CHD8: variants seen among roughly 807,000 people sequenced by gnomAD.
CHD8 encodes the protein ATP-dependent chromatin remodeler CHD8.
In CHD8, 31 loss-of-function variants were observed where a neutral mutation model predicts 279.2. That is an observed-to-expected ratio of 0.11 (90% CI 0.08 to 0.15). The LOEUF is 0.15. Ranked by LOEUF, CHD8 falls within the 10% of genes least tolerant of loss-of-function variation. The probability of loss-of-function intolerance (pLI) is 1.00; values close to 1 mark genes in which losing one functional copy is unlikely to be tolerated. For synonymous variants in CHD8, 1,081 were observed against 1,139.6 expected (o/e 0.95, Z 1.04); for missense variants, 2,146 against 3,230.5 (o/e 0.66, Z 8.14).
In CHD8 at chr14:21,393,240, A is replaced by G. The variant is rs1460454468; in HGVS notation, c.6334T>C (p.Ser2112Pro). The G allele has an allele frequency of 2.5e-6, 4 of 1,613,996 alleles. No homozygotes were observed. Among genetic ancestry groups the G allele is most frequent in the Non-Finnish European group, 3.4e-6 (4 of 1,179,888 alleles). The change falls in exon 33 of 38, where the codon TCA becomes CCA. Residue 2112 changes from serine to proline, a missense_variant. Physicochemically the swap from Ser to Pro is moderately conservative, Grantham distance 74. This residue lies in a region of CHD8 where 513 missense variants were observed against 637.6 expected (regional missense o/e 0.80). Coordinates refer to ENST00000646647, the MANE Select transcript of CHD8 (RefSeq NM_001170629.2). ...KEEKLTDQSRSKLYDEESLLS... is the reference protein window; with the variant it reads ...KEEKLTDQSRPKLYDEESLLS... ...AGACTCTCTTCATCATAGAGCTTTG[A>G]GCGGGACTGGTCAGCTGGTAAGAGA...
At chr14:21,453,042 C>G (rs1421512332) in intron 1 of CHD8, among the ~76,000 whole-genome samples, 1 of 151,284 alleles carries the variant, frequency 6.6e-6, no homozygotes, top group Non-Finnish European at 1.5e-5. Context: ...GGTGTGGTGG[C>G]CCACACCTGT....
At chr14:21,433,546 C>CATGCT (rs1013201931) in intron 1 of CHD8, among the ~76,000 whole-genome samples, 10 of 152,176 alleles carry the variant, frequency 6.6e-5, no homozygotes, top group African/African-American at 2.4e-4. Context: ...ATATAACCCC[C>CATGCT]ATGCTATGTT....
chr14:21,441,830 A>G (rs1352689435), intron 1 of CHD8, among the ~76,000 whole-genome samples: 1 of 152,196 alleles, frequency 6.6e-6, no homozygotes, highest in East Asian at 1.9e-4. Context: ...CGGAGCTTGC[A>G]GTGAGCCAAG....
chr14:21,415,134 T>C, intron 7 of CHD8, 141 bp from the exon 8 acceptor site: 1 of 634,828 alleles, frequency 1.6e-6, no homozygotes, highest in Non-Finnish European at 2.7e-6. Flanking sequence ...ACTAGTCTGG[T>C]ACTTCAATAA....
rs80311097 is a variant in CHD8 at position 21,402,588 on chromosome 14, C to A, written c.3715-85G>T. ...GGATACAAAATACCAATTTATGATT[C>A]TTTCACCTCTATAGAGCAGCCATGA... On this transcript the variant is annotated intron_variant, in intron 18 of 37. Coordinates refer to ENST00000646647, the MANE Select transcript of CHD8 (RefSeq NM_001170629.2). The surrounding 1 kb of genome is among the most constrained non-coding windows in gnomAD (Gnocchi z 4.5). 4,109 of 1,288,650 alleles carry A rather than the reference C, an allele frequency of 3.2e-3. 103 individuals are homozygous for A. In the African/African-American group the frequency reaches 0.056, roughly 18 times the overall value. The allele number at this position is 1,288,650 out of a possible 1,614,324, so 79.8% of individuals were successfully genotyped here.
intron 5 of CHD8, among the ~76,000 whole-genome samples, chr14:21,422,289 C>G (rs901237737): frequency 6.6e-6 from 1 of 151,820 alleles, no homozygotes; most frequent in South Asian, 2.1e-4. Flanking sequence ...TATAGTGAGC[C>G]GAGATTGTGC....
rs147271722 is a variant in CHD8 at position 21,453,765 on chromosome 14, G to A, written c.-216+2267C>T. 1.6e-3 allele frequency among the ~76,000 whole-genome samples: 246 copies of A among 152,000 alleles called. 3 individuals carry two copies. Among genetic ancestry groups the A allele is most frequent in the African/African-American group, 5.7e-3 (234 of 41,256 alleles). ...GACAAACAGTTCACTAAAGCATTTA[G>A]CATTCATCTGAATGTTACAGTCCTT... On this transcript the variant is annotated intron_variant, in intron 1 of 37. Transcript: ENST00000646647.
At position 21,394,903 on chromosome 14, in the gene CHD8, A is replaced by G; in HGVS notation, c.5390+9T>C. 1 of 1,613,080 alleles carries G rather than the reference A, an allele frequency of 6.2e-7. No homozygotes were observed. Among genetic ancestry groups the G allele is most frequent in the Non-Finnish European group, 8.5e-7 (1 of 1,179,094 alleles). ...CACAGATCAGCACAAGTTCCCAGCT[A>G]TATTTTACCGTTGTTGTTTCTCCCG... On this transcript the variant is annotated intron_variant, in intron 30 of 37. Transcript: ENST00000646647.
At chr14:21,436,829 G>A (rs1889797712) in intron 1 of CHD8, 1 of 518,930 alleles carries the variant, frequency 1.9e-6, no homozygotes, top group Non-Finnish European at 3.5e-6. Context: ...AAAGGGCGAG[G>A]TGAGGAAGTG....
Position 21,405,159 on chromosome 14 carries a change from G to A in CHD8, c.3307+50C>T. 2 of 1,584,524 alleles carry A rather than the reference G, an allele frequency of 1.3e-6. No individual in the cohort carries two copies. The highest frequency in any genetic ancestry group is 1.3e-5 in the African/African-American group (1 of 74,390). On this transcript the variant is annotated intron_variant, in intron 16 of 37. Transcript: ENST00000646647. The surrounding 1 kb of genome is among the most constrained non-coding windows in gnomAD (Gnocchi z 4.2). ...GTCCCCAAGGAGAATCATCCGGAAA[G>A]TAAACACAGGTACTACAGAAGTTCA...
Position 21,393,601 on chromosome 14 carries a change from T to A in CHD8, c.6194A>T (p.Asp2065Val). The A allele has an allele frequency of 6.2e-7, 1 of 1,613,788 alleles. No homozygotes were observed. Among genetic ancestry groups the A allele is most frequent in the Non-Finnish European group, 8.5e-7 (1 of 1,179,866 alleles). The change falls in exon 32 of 38, where the codon GAT (aspartate) becomes GTT (valine). Residue 2065 changes from aspartate to valine, a missense_variant. Transcript: ENST00000646647. ...CAGCTCAGAGTCCGAATCATCCTCA[T>A]CCTCCAGTTTGACTGGTGGAACACT... ...SRSVPPVKLE[D>V]EDDSDSELDL...
Position 21,404,370 on chromosome 14 carries a change from C to G in CHD8, c.3308-707G>C, listed in dbSNP as rs1888169812. Among the ~76,000 whole-genome samples the G allele has an allele frequency of 2.0e-5, 3 of 149,042 alleles. No individual in the cohort carries two copies. The South Asian group carries it at 6.4e-4, about 32-fold the overall frequency. On this transcript the variant is annotated intron_variant, in intron 16 of 37. Coordinates refer to ENST00000646647, the MANE Select transcript of CHD8 (RefSeq NM_001170629.2). ...CCGAGATTGCACCACTGTACTCCAG[C>G]CTGGGCGACAATAGTGAAACTCCAT...
At chr14:21,409,521 T>C (rs2139483940) in intron 11 of CHD8, among the ~76,000 whole-genome samples, 1 of 152,332 alleles carries the variant, frequency 6.6e-6, no homozygotes, top group Admixed American at 6.5e-5. Flanking sequence ...CTTGATGATA[T>C]TAAAGAATGA....
chr14:21,441,644 T>G (rs1423505726), intron 1 of CHD8, among the ~76,000 whole-genome samples: 1 of 151,920 alleles, frequency 6.6e-6, no homozygotes, highest in Non-Finnish European at 1.5e-5. Flanking sequence ...ATCCCAGCAC[T>G]TTGGGAGGCC....
In CHD8 at chr14:21,408,842, T is replaced by C; in HGVS notation, c.2365-17A>G. On this transcript the variant is annotated splice_polypyrimidine_tract_variant and intron_variant, in intron 11 of 37. Coordinates refer to ENST00000646647, the MANE Select transcript of CHD8 (RefSeq NM_001170629.2). The surrounding 1 kb of genome is among the most constrained non-coding windows in gnomAD (Gnocchi z 4.3). ...CGGACGATTCTAAAAAACAAGACGT[T>C]TGAATAAATGGAGTGGAGACATTAT... 6.3e-7 allele frequency: 1 copy of C among 1,599,336 alleles called. No individual in the cohort carries two copies. The highest frequency in any genetic ancestry group is 8.5e-7 in the Non-Finnish European group (1 of 1,172,322).
intron 1 of CHD8, among the ~76,000 whole-genome samples, chr14:21,435,341 C>A (rs1248788372): frequency 6.6e-6 from 1 of 152,158 alleles, no homozygotes; most frequent in African/African-American, 2.4e-5. Flanking sequence ...ATTATATATG[C>A]CAGTATAGCC....
chr14:21,393,041 C>T, intron 33 of CHD8, 65 bp downstream of exon 33: 3 of 1,512,684 alleles, frequency 2.0e-6, no homozygotes, highest in Non-Finnish European at 2.7e-6. Flanking sequence ...GTTCCTTTTT[C>T]CCCGGATATA....
At position 21,386,123 on chromosome 14, in the gene CHD8, T is replaced by G. The variant is rs1887219101; in HGVS notation, c.7236A>C (p.Pro2412=). The change falls in exon 38 of 38, where the codon CCA becomes CCC. Residue 2412 remains proline, a synonymous_variant. Coordinates refer to ENST00000646647, the MANE Select transcript of CHD8 (RefSeq NM_001170629.2). ...TACGGGCCCGCTTCTTGCTGCTCTC[T>G]GGTGCAATAGGCCCTGGCAAAACCC... is the stretch of plus-strand genomic sequence containing the variant. The part of the protein sequence containing the change: ...FNRVLPGPIA[P]ESSKKRARRM... The G allele has an allele frequency of 6.4e-7, 1 of 1,553,606 alleles. No homozygotes were observed. The highest frequency in any genetic ancestry group is 1.4e-5 in the African/African-American group (1 of 73,120).
At chr14:21,414,528 T>C (rs1888635808) in intron 8 of CHD8, 110 bp from the exon 9 acceptor site, 6 of 645,234 alleles carry the variant, frequency 9.3e-6, no homozygotes, top group Middle Eastern at 2.6e-4. Context: ...CAGGCTTAAA[T>C]TGGGAGACAG....
Sources: gnomAD v4.1 joint callset for allele counts (sites outside exome capture counted in the v4.1 genomes callset) on GRCh38, gnomAD v4.1.1 for gene constraint, gnomAD v4.1.1 regional missense constraint, Gnocchi (gnomAD v3.1) non-coding constraint, MANE v1.5 for transcripts, NCBI Gene and HGNC (gene_info 2026-07-23, HGNC 2026-07-21) for gene names.